The following CPVL variants were observed in gnomAD, a reference collection of about 807,000 sequenced individuals.
CPVL encodes the protein carboxypeptidase vitellogenic like, also known as probable serine carboxypeptidase CPVL.
Under a neutral mutation model 63.7 loss-of-function variants are expected in CPVL, and 51 were observed. That is an observed-to-expected ratio of 0.80 (90% CI 0.64 to 1.01). The LOEUF is 1.01. Ranked by LOEUF, CPVL falls within the 50% of genes least tolerant of loss-of-function variation. The probability of loss-of-function intolerance (pLI) is 0.00; values close to 1 mark genes in which losing one functional copy is unlikely to be tolerated. For synonymous variants in CPVL, 195 were observed against 206.0 expected (o/e 0.95, Z 0.46); for missense variants, 530 against 573.1 (o/e 0.92, Z 0.77).
chr7:29,094,389 A>G (rs1786177109), intron 5 of CPVL, among the ~76,000 whole-genome samples: 1 of 152,116 alleles, frequency 6.6e-6, no homozygotes, highest in Non-Finnish European at 1.5e-5. Context: ...TTGACTTTTT[A>G]TATCTATAAC....
chr7:29,012,545 TA>T (rs1323365139), intron 12 of CPVL: 1 of 152,204 alleles, frequency 6.6e-6, no homozygotes, highest in Admixed American at 6.5e-5. Flanking sequence ...CAATTTAGAT[TA>T]AGGTTTTGGC....
chr7:29,061,961 G>T (rs1300599748), intron 11 of CPVL, among the ~76,000 whole-genome samples: 1 of 139,342 alleles, frequency 7.2e-6, no homozygotes, highest in East Asian at 2.0e-4. Context: ...AAAAAAAAAA[G>T]TGTGTACAGT....
At chr7:29,040,073 T>C (rs986091743) in intron 11 of CPVL, among the ~76,000 whole-genome samples, 3 of 146,048 alleles carry the variant, frequency 2.1e-5, no homozygotes, top group Non-Finnish European at 4.6e-5. Flanking sequence ...TGTTCACTAA[T>C]CCAAAAAAAA....
intron 2 of CPVL, among the ~76,000 whole-genome samples, chr7:29,116,815 T>C (rs988844892): frequency 6.6e-6 from 1 of 152,232 alleles, no homozygotes; most frequent in African/African-American, 2.4e-5. Flanking sequence ...AACATGCAAT[T>C]ACAATTACAT....
intron 12 of CPVL, 194 bp from the exon 13 acceptor site, chr7:28,996,076 G>A: frequency 2.0e-6 from 1 of 494,148 alleles, no homozygotes; most frequent in Non-Finnish European, 3.5e-6. Context: ...AGGTAGAAAA[G>A]TTTTAAAGCT....
intron 5 of CPVL, among the ~76,000 whole-genome samples, chr7:29,154,254 G>T (rs918521659): frequency 6.6e-6 from 1 of 152,190 alleles, no homozygotes; most frequent in African/African-American, 2.4e-5. Context: ...GCAGCTCTGA[G>T]TAAGTGAAGG....
intron 1 of CPVL, among the ~76,000 whole-genome samples, chr7:29,124,268 G>T (rs1789734909): frequency 6.6e-6 from 1 of 152,044 alleles, no homozygotes. Flanking sequence ...CCCACAGAAA[G>T]TTGAAAAAGA....
At chr7:29,012,221 T>C (rs1014354187) in intron 12 of CPVL, 2 of 152,132 alleles carry the variant, frequency 1.3e-5, no homozygotes, top group African/African-American at 4.8e-5. Context: ...GAATCTATTA[T>C]CCAGAAAAAA....
intron 2 of CPVL, among the ~76,000 whole-genome samples, chr7:29,114,719 T>C (rs1209710089): frequency 2.0e-5 from 3 of 152,162 alleles, no homozygotes; most frequent in Admixed American, 6.5e-5. Flanking sequence ...AGTGCTCCTA[T>C]AGACCAGCTG....
At chr7:29,117,093 A>G (rs970147584) in intron 2 of CPVL, among the ~76,000 whole-genome samples, 1 of 152,234 alleles carries the variant, frequency 6.6e-6, no homozygotes, top group Admixed American at 6.5e-5. Context: ...CAGATTTTGA[A>G]TCAGCCACTT....
At chr7:29,104,496 AG>A (rs1787526309) in intron 3 of CPVL, among the ~76,000 whole-genome samples, 1 of 152,140 alleles carries the variant, frequency 6.6e-6, no homozygotes, top group Non-Finnish European at 1.5e-5. Flanking sequence ...TCTGACCTCA[AG>A]TGATCCACCT....
chr7:29,059,488 A>C (rs1474664617), intron 11 of CPVL, among the ~76,000 whole-genome samples: 2 of 152,200 alleles, frequency 1.3e-5, no homozygotes, highest in Non-Finnish European at 2.9e-5. Flanking sequence ...TACACCAAAA[A>C]GATTCTACAG....
chr7:29,150,900 G>A (rs1584432637), upstream of CPVL, among the ~76,000 whole-genome samples: 1 of 152,150 alleles, frequency 6.6e-6, no homozygotes, highest in African/African-American at 2.4e-5. Flanking sequence ...CTTAAGGAAC[G>A]AAGCCAGATG....
chr7:29,084,959 C>T (rs1785067543), intron 7 of CPVL, among the ~76,000 whole-genome samples: 1 of 152,086 alleles, frequency 6.6e-6, no homozygotes, highest in South Asian at 2.1e-4. Flanking sequence ...CATTAGGAAC[C>T]ACAGCCCTCA....
intron 5 of CPVL, among the ~76,000 whole-genome samples, chr7:29,093,572 T>C (rs1786076049): frequency 2.0e-5 from 3 of 152,166 alleles, no homozygotes; most frequent in African/African-American, 7.2e-5. Context: ...TTTAAACTAA[T>C]ATTTTCTTAT....
intron 6 of CPVL, among the ~76,000 whole-genome samples, chr7:29,089,992 A>C (rs953813916): frequency 6.6e-6 from 1 of 151,824 alleles, no homozygotes; most frequent in African/African-American, 2.4e-5. Flanking sequence ...CCTCCCAAGT[A>C]GCTGGGATTA....
rs1376350518 is a variant in CPVL at position 29,086,478 on chromosome 7, A to G, written c.609+6T>C. The G allele has an allele frequency of 2.5e-6, 4 of 1,605,368 alleles. No homozygotes were observed. The highest frequency in any genetic ancestry group is 3.3e-5 in the Admixed American group (2 of 59,992). On this transcript the variant is annotated splice_donor_region_variant and intron_variant, in intron 7 of 12. Transcript: ENST00000265394. ...AAGCACACAAGGAAACGTGACTTCTACTTACCTCCCCAGTGACATAAAAGT... is the reference window on the plus strand; with the variant it reads ...AAGCACACAAGGAAACGTGACTTCTGCTTACCTCCCCAGTGACATAAAAGT...
chr7:28,995,630 CT>C lies in CPVL; in HGVS notation c.*141del. On this transcript the variant is annotated 3_prime_UTR_variant, in exon 13 of 13. Coordinates refer to ENST00000265394, the MANE Select transcript of CPVL (RefSeq NM_031311.5). Reference sequence around the variant, plus strand: ...ATCTCCCCCCAAAAACAAAAGCTCACTTGTTTCAAGGATAATTTTTATTGAT... The same window carrying C: ...ATCTCCCCCCAAAAACAAAAGCTCACTGTTTCAAGGATAATTTTTATTGAT... The C allele has an allele frequency of 1.6e-6, 1 of 630,608 alleles. No homozygotes were observed. The highest frequency in any genetic ancestry group is 2.7e-6 in the Non-Finnish European group (1 of 364,044). 39.1% of individuals were successfully genotyped at this position (630,608 alleles called of 1,614,324 possible).
chr7:29,052,399 C>T (rs893999906), intron 11 of CPVL, among the ~76,000 whole-genome samples: 9 of 142,568 alleles, frequency 6.3e-5, no homozygotes, highest in African/African-American at 2.4e-4. Context: ...AGTTTTTAAA[C>T]CTATTTTTAA....
Sources: gnomAD v4.1 joint callset for allele counts (sites outside exome capture counted in the v4.1 genomes callset) on GRCh38, gnomAD v4.1.1 for gene constraint, MANE v1.5 for transcripts, NCBI Gene and HGNC (gene_info 2026-07-23, HGNC 2026-07-21) for gene names.